Variants in IGF1R observed in about 807,000 individuals in gnomAD.
IGF1R encodes the protein insulin-like growth factor 1 receptor.
IGF1R carries 44 observed loss-of-function variants against 144.6 expected under a neutral mutation model. That is an observed-to-expected ratio of 0.30 (90% CI 0.24 to 0.39). The LOEUF is 0.39. Ranked by LOEUF, IGF1R falls within the 10% of genes least tolerant of loss-of-function variation. The pLI is 1.00. For synonymous variants in IGF1R, 795 were observed against 722.8 expected (o/e 1.10, Z -1.60); for missense variants, 1,355 against 1,833.7 (o/e 0.74, Z 4.77).
At chr15:98,896,052 G>A (rs2014178143) in intron 3 of IGF1R, among the ~76,000 whole-genome samples, 1 of 151,916 alleles carries the variant, frequency 6.6e-6, no homozygotes, top group Non-Finnish European at 1.5e-5. Context: ...GTGGTTCGTG[G>A]CATGTTCAGG....
intron 2 of IGF1R, among the ~76,000 whole-genome samples, chr15:98,876,314 T>TA (rs35359680): frequency 0.019 from 2,764 of 143,790 alleles, 42 homozygotes; most frequent in African/African-American, 0.04. Flanking sequence ...TATTAAGAGT[T>TA]AAAAAAAAAA....
chr15:98,868,438 C>G (rs2012588119), intron 2 of IGF1R, among the ~76,000 whole-genome samples: 1 of 150,110 alleles, frequency 6.7e-6, no homozygotes, highest in Non-Finnish European at 1.5e-5. Context: ...TATGCAAGCT[C>G]CTGGCAATCA....
intron 2 of IGF1R, among the ~76,000 whole-genome samples, chr15:98,776,295 C>T (rs1105555): frequency 0.12 from 18,693 of 151,892 alleles, 1,253 homozygotes; most frequent in Middle Eastern, 0.2. Context: ...AGCAATTCTC[C>T]TGCCTCGGCC....
chr15:98,827,092 T>C (rs781030503), intron 2 of IGF1R, among the ~76,000 whole-genome samples: 3 of 151,952 alleles, frequency 2.0e-5, no homozygotes, highest in Non-Finnish European at 4.4e-5. Context: ...TATTTCTGTT[T>C]AGAGGCTGGT....
intron 1 of IGF1R, among the ~76,000 whole-genome samples, chr15:98,650,286 C>T (rs1042751021): frequency 5.9e-5 from 9 of 152,302 alleles, no homozygotes; most frequent in East Asian, 3.9e-4. Flanking sequence ...TGCTTTTGCC[C>T]CTCGGGCTCC....
chr15:98,738,964 C>A (rs987413413), intron 2 of IGF1R, among the ~76,000 whole-genome samples: 4 of 110,762 alleles, frequency 3.6e-5, no homozygotes, highest in Non-Finnish European at 5.6e-5. Context: ...CTCTTACATA[C>A]CAAAACACAA....
At chr15:98,789,459 C>A (rs976931200) in intron 2 of IGF1R, among the ~76,000 whole-genome samples, 29 of 152,158 alleles carry the variant, frequency 1.9e-4, no homozygotes, top group African/African-American at 6.5e-4. Flanking sequence ...TGATCAAGGT[C>A]TTGTTTTTGC....
At chr15:98,839,980 G>A (rs955103342) in intron 2 of IGF1R, among the ~76,000 whole-genome samples, 1 of 152,204 alleles carries the variant, frequency 6.6e-6, no homozygotes, top group African/African-American at 2.4e-5. Context: ...TTTTTACCAT[G>A]TTATTTATCA....
chr15:98,955,959 C>A (rs1376388062), intron 20 of IGF1R, among the ~76,000 whole-genome samples: 1 of 152,192 alleles, frequency 6.6e-6, no homozygotes, highest in African/African-American at 2.4e-5. Context: ...AAGGAAGGCA[C>A]TTTGGTTTCA....
At chr15:98,889,366 G>C (rs556952442) in intron 2 of IGF1R, among the ~76,000 whole-genome samples, 5 of 152,212 alleles carry the variant, frequency 3.3e-5, no homozygotes, top group Non-Finnish European at 2.9e-5. Context: ...GAGGCAACTA[G>C]TGGGTGTGTA....
chr15:98,665,359 C>T (rs954500423), intron 1 of IGF1R, among the ~76,000 whole-genome samples: 2 of 152,176 alleles, frequency 1.3e-5, no homozygotes, highest in African/African-American at 4.8e-5. Flanking sequence ...TCTGCATCTG[C>T]CTCCGTTTGA....
Position 98,687,449 on chromosome 15 carries a change from G to A in IGF1R, c.95-20113G>A, listed in dbSNP as rs556225536. Among the ~76,000 whole-genome samples, 13 of 152,290 alleles carry A rather than the reference G, an allele frequency of 8.5e-5. No individual in the cohort carries two copies. In the East Asian group the frequency reaches 1.7e-3, roughly 20 times the overall value. On this transcript the variant is annotated intron_variant, in intron 1 of 20. Transcript: ENST00000650285. ...GTCTCGTCCTTAGTAAAGGAATATC[G>A]GGAGCTGAGACTGGATGTATTGACA...
chr15:98,673,896 A>C (rs1464840558), intron 1 of IGF1R, among the ~76,000 whole-genome samples: 1 of 152,200 alleles, frequency 6.6e-6, no homozygotes, highest in African/African-American at 2.4e-5. Context: ...CTCCTCATCC[A>C]GTGAACTTTC....
At chr15:98,726,158 A>G (rs2054355403) in intron 2 of IGF1R, among the ~76,000 whole-genome samples, 1 of 152,216 alleles carries the variant, frequency 6.6e-6, no homozygotes, top group African/African-American at 2.4e-5. Context: ...TATGGATATT[A>G]CTGTTCCATT....
Position 98,939,283 on chromosome 15 carries a change from A to G in IGF1R, c.3380A>G (p.Asn1127Ser), listed in dbSNP as rs2016277089. The G allele has an allele frequency of 1.2e-6, 2 of 1,614,010 alleles. No individual in the cohort carries two copies. The highest frequency in any genetic ancestry group is 2.7e-5 in the African/African-American group (2 of 74,916). ...GEIADGMAYL[N>S]ANKFVHRDLA... Reference sequence around the variant, plus strand: ...ATTGCAGACGGCATGGCATACCTCAACGCCAATAAGTTCGTCCACAGAGAC... The same window carrying G: ...ATTGCAGACGGCATGGCATACCTCAGCGCCAATAAGTTCGTCCACAGAGAC... The change falls in exon 18 of 21, where the codon AAC becomes AGC. Residue 1127 changes from asparagine to serine, a missense_variant. Physicochemically the swap from Asn to Ser is conservative, Grantham distance 46. Transcript: ENST00000650285.
chr15:98,764,298 A>G (rs2055380216), intron 2 of IGF1R, among the ~76,000 whole-genome samples: 1 of 152,172 alleles, frequency 6.6e-6, no homozygotes, highest in African/African-American at 2.4e-5. Context: ...ATTCACAAAC[A>G]GGCTTTGGCA....
rs869208651 is a variant in IGF1R, at chr15:98,661,956, C to CTTTTTTTTTTTTTTTTTTTTTTTT, written c.94+12284_94+12307dup. 1.0e-4 allele frequency among the ~76,000 whole-genome samples: 11 copies of CTTTTTTTTTTTTTTTTTTTTTTTT among 105,720 alleles called. 2 individuals carry two copies. Among genetic ancestry groups the CTTTTTTTTTTTTTTTTTTTTTTTT allele is most frequent in the African/African-American group, 4.5e-4 (10 of 22,340 alleles). The allele number at this position is 105,720 out of a possible 152,430, so 69.4% of individuals were successfully genotyped here. On this transcript the variant is annotated intron_variant, in intron 1 of 20. Coordinates refer to ENST00000650285, the MANE Select transcript of IGF1R (RefSeq NM_000875.5). ...GAATTGCTGCCAGTTGAATAGGGCC[C>CTTTTTTTTTTTTTTTTTTTTTTTT]TTTTTTTTTTTTTTTTTTTTTTTTT... is the stretch of plus-strand genomic sequence containing the variant.
At chr15:98,716,605 T>C (rs2054123512) in intron 2 of IGF1R, among the ~76,000 whole-genome samples, 1 of 152,202 alleles carries the variant, frequency 6.6e-6, no homozygotes, top group Non-Finnish European at 1.5e-5. Flanking sequence ...GCCTTGCTTT[T>C]CTGTCTTTGG....
intron 5 of IGF1R, among the ~76,000 whole-genome samples, chr15:98,900,156 G>C (rs141442848): frequency 6.6e-6 from 1 of 152,330 alleles, no homozygotes; most frequent in African/African-American, 2.4e-5. Context: ...ACTATTGATA[G>C]AGTTTTTGCC....
Sources: allele counts gnomAD v4.1 joint callset (sites outside exome capture counted in the v4.1 genomes callset), GRCh38; gene constraint gnomAD v4.1.1; transcripts MANE v1.5; gene names NCBI Gene and HGNC (gene_info 2026-07-23, HGNC 2026-07-21).